SGPL1: variants seen among roughly 807,000 people sequenced by gnomAD.
SGPL1 encodes the protein sphingosine-1-phosphate lyase 1.
Under a neutral mutation model 68.9 loss-of-function variants are expected in SGPL1, and 37 were observed. The ratio of observed to expected loss-of-function variants is 0.54; its 90% confidence interval spans 0.41 to 0.71. The LOEUF is 0.71. Among genes scored for constraint, SGPL1 ranks in the 30% least tolerant of loss-of-function variants. The pLI is 0.00. For synonymous variants in SGPL1, 236 were observed against 248.5 expected, an observed-to-expected ratio of 0.95 and a Z score of 0.47; for missense variants, 551 against 704.6, an observed-to-expected ratio of 0.78 and a Z score of 2.47.
At chr10:70,847,625 T>A (rs1845812559) in intron 3 of SGPL1, among the ~76,000 whole-genome samples, 1 of 152,100 alleles carries the variant, frequency 6.6e-6, no homozygotes, top group East Asian at 1.9e-4. Context: ...AATGTAATTT[T>A]GTAAAAAAAA....
intron 2 of SGPL1, among the ~76,000 whole-genome samples, chr10:70,820,785 AT>A (rs1845324593): frequency 6.6e-6 from 1 of 152,104 alleles, no homozygotes; most frequent in African/African-American, 2.4e-5. Context: ...AAAAAAAAAA[AT>A]TTGTGTTTTA....
At chr10:70,821,586 GTT>G (rs1254941815) in intron 2 of SGPL1, among the ~76,000 whole-genome samples, 1 of 152,164 alleles carries the variant, frequency 6.6e-6, no homozygotes, top group African/African-American at 2.4e-5. Flanking sequence ...ATTTTGGGTT[GTT>G]ACACCTGAAG....
Position 70,854,848 on chromosome 10 carries a change from C to T in SGPL1, c.402C>T (p.Ser134=), listed in dbSNP as rs1473251871. The change falls in exon 5 of 15, where the codon AGC becomes AGT. Residue 134 remains serine, a synonymous_variant. Coordinates refer to ENST00000373202, the MANE Select transcript of SGPL1 (RefSeq NM_003901.4). ...TTTTGGAGAAACTTAAGGAGTACAGCTCTATGGGTATGATGCTTGGCATAT... is the reference window on the plus strand; with the variant it reads ...TTTTGGAGAAACTTAAGGAGTACAGTTCTATGGGTATGATGCTTGGCATAT... ...SAVLEKLKEY[S]SMDAFWQEGR... 6.2e-7 allele frequency: 1 copy of T among 1,605,062 alleles called. No individual in the cohort carries two copies. Among genetic ancestry groups the T allele is most frequent in the Middle Eastern group, 1.7e-4 (1 of 6,006 alleles).
Position 70,873,571 on chromosome 10 carries a change from C to T in SGPL1, c.1280C>T (p.Ala427Val). ...GCTACCAAACAGATCATCAAAACTG[C>T]TCGCTTCCTCAAGTCAGAGTATGTG... ...VEATKQIIKT[A>V]RFLKSELENI... The change falls in exon 12 of 15, where the codon GCT becomes GTT. Residue 427 changes from alanine to valine, a missense_variant. Coordinates refer to ENST00000373202, the MANE Select transcript of SGPL1 (RefSeq NM_003901.4). The T allele has an allele frequency of 6.2e-7, 1 of 1,613,138 alleles. No homozygotes were observed. Among genetic ancestry groups the T allele is most frequent in the Non-Finnish European group, 8.5e-7 (1 of 1,179,016 alleles).
At chr10:70,823,684 T>TATATATAG (rs569098353) in intron 2 of SGPL1, among the ~76,000 whole-genome samples, 282 of 147,820 alleles carry the variant, frequency 1.9e-3, no homozygotes, top group African/African-American at 6.8e-3. Flanking sequence ...AAACAGTACA[T>TATATATAG]ATATATAGAT....
At position 70,844,457 on chromosome 10, in the gene SGPL1, TC is replaced by T. The variant is rs759873018; in HGVS notation, c.28-15del. ...TCTCTAAATGTAATGTTTTTATTTT[TC>T]ACTTGTATTTCTAGAAGGCCTTTGA... On this transcript the variant is annotated splice_polypyrimidine_tract_variant and intron_variant, in intron 2 of 14. Transcript: ENST00000373202. 1.2e-6 allele frequency: 2 copies of T among 1,608,230 alleles called. No individual in the cohort carries two copies. Among genetic ancestry groups the T allele is most frequent in the African/African-American group, 2.7e-5 (2 of 74,610 alleles).
chr10:70,869,832 G>T lies in SGPL1; in HGVS notation c.745G>T (p.Ala249Ser). The T allele has an allele frequency of 3.7e-6, 6 of 1,614,124 alleles. No homozygotes were observed. The highest frequency in any genetic ancestry group is 5.1e-6 in the Non-Finnish European group (6 of 1,179,992). ...QSAHAAFNKAASYFGMKIVRV... is the reference protein window; with the variant it reads ...QSAHAAFNKASSYFGMKIVRV... ...TGCCCATGCTGCATTTAACAAAGCA[G>T]CCAGTTACTTTGGGATGAAGATTGT... Residue 249 changes from alanine (A) to serine (S), a missense_variant, in exon 9 of 15, where the codon GCC (alanine) becomes TCC (serine). Ala to Ser is a moderately conservative substitution (Grantham distance 99). Transcript: ENST00000373202.
At chr10:70,865,063 G>GAAA (rs1002476121) in intron 7 of SGPL1, among the ~76,000 whole-genome samples, 1 of 152,344 alleles carries the variant, frequency 6.6e-6, no homozygotes, top group African/African-American at 2.4e-5. Context: ...AGAAGAAGAA[G>GAAA]AAAATAAGGA....
At chr10:70,831,601 T>G (rs977644204) in intron 2 of SGPL1, among the ~76,000 whole-genome samples, 2 of 152,118 alleles carry the variant, frequency 1.3e-5, no homozygotes, top group African/African-American at 2.4e-5. Context: ...TGGGGCAAGG[T>G]ATAGGGGAAG....
At position 70,877,205 on chromosome 10, in the gene SGPL1, A is replaced by G. The variant is rs747377567; in HGVS notation, c.1577A>G (p.Tyr526Cys). Residue 526 changes from tyrosine to cysteine, a missense_variant, in exon 15 of 15, where the codon TAT becomes TGT. Physicochemically the swap from Tyr to Cys is radical, Grantham distance 194. Transcript: ENST00000373202. The stretch of plus-strand genomic sequence containing the variant: ...TCTTTGGATTTGTAGGGTGCCATCT[A>G]TGGCATGGCCCAGACAACTGTTGAC... ...KAKTTGMGAI[Y>C]GMAQTTVDRN... The G allele has an allele frequency of 6.2e-7, 1 of 1,614,206 alleles. No individual in the cohort carries two copies.
At chr10:70,861,144 C>T (rs1209252643) in intron 7 of SGPL1, among the ~76,000 whole-genome samples, 1 of 148,492 alleles carries the variant, frequency 6.7e-6, no homozygotes, top group African/African-American at 2.5e-5. Flanking sequence ...TCATTTAAAA[C>T]TAGGTAAAAT....
chr10:70,826,395 C>T (rs576928411), intron 2 of SGPL1, among the ~76,000 whole-genome samples: 1 of 152,292 alleles, frequency 6.6e-6, no homozygotes, highest in Non-Finnish European at 1.5e-5. Flanking sequence ...AGTGCATCCC[C>T]TCCTGGGCCA....
intron 1 of SGPL1, among the ~76,000 whole-genome samples, chr10:70,816,493 C>G (rs1321738252): frequency 2.0e-5 from 3 of 152,138 alleles, no homozygotes; most frequent in Non-Finnish European, 4.4e-5. Flanking sequence ...ACCTTCAGCC[C>G]GGGTTAGGTG....
rs558416811 is a variant in SGPL1, at chr10:70,868,428, A to G, written c.699A>G (p.Pro233=). ...DLAFEKGIKT[P]EIVAPQSAHA... ...CCTTTGAGAAGGGGATCAAAACTCC[A>G]GAAATGTATGTATGTGTGGCTGTTT... is the stretch of plus-strand genomic sequence containing the variant. Residue 233 remains proline (P), a synonymous_variant, in exon 8 of 15, where the codon CCA becomes CCG. Coordinates refer to ENST00000373202, the MANE Select transcript of SGPL1 (RefSeq NM_003901.4). 5 of 1,613,086 alleles carry G rather than the reference A, an allele frequency of 3.1e-6. No individual in the cohort carries two copies. The South Asian group carries it at 5.5e-5, about 18-fold the overall frequency.
intron 7 of SGPL1, among the ~76,000 whole-genome samples, chr10:70,861,866 A>C (rs978619240): frequency 2.0e-5 from 3 of 152,210 alleles, no homozygotes; most frequent in African/African-American, 7.2e-5. Flanking sequence ...GCTGGGCCTT[A>C]GCTGCCTTCC....
intron 6 of SGPL1, 23 bp from the exon 7 acceptor site, chr10:70,859,348 C>G (rs528524493): frequency 5.7e-6 from 8 of 1,400,512 alleles, no homozygotes; most frequent in African/African-American, 2.9e-5. Context: ...TTTGATTTCA[C>G]ATCTGCTTGC....
At chr10:70,840,431 A>G (rs1845696678) in intron 2 of SGPL1, among the ~76,000 whole-genome samples, 2 of 152,256 alleles carry the variant, frequency 1.3e-5, no homozygotes, top group Middle Eastern at 3.4e-3. Context: ...AAGGAACTGC[A>G]TCATCCTTTA....
intron 4 of SGPL1, 72 bp downstream of exon 4, chr10:70,851,282 C>G (rs1030715254): frequency 1.6e-6 from 2 of 1,264,988 alleles, no homozygotes; most frequent in Non-Finnish European, 2.3e-6. Flanking sequence ...TTTACTAAAC[C>G]TAATATTCTC....
intron 12 of SGPL1, 35 bp from the exon 13 acceptor site, chr10:70,875,367 A>T: frequency 7.0e-7 from 1 of 1,428,078 alleles, no homozygotes; most frequent in Non-Finnish European, 9.8e-7. Flanking sequence ...GACTGAATTT[A>T]CTTTTTCTTC....
Sources: gnomAD v4.1 joint callset for allele counts (sites outside exome capture counted in the v4.1 genomes callset) on GRCh38, gnomAD v4.1.1 for gene constraint, MANE v1.5 for transcripts, NCBI Gene and HGNC (gene_info 2026-07-23, HGNC 2026-07-21) for gene names.